The following EEF1AKMT4 variants were observed in gnomAD, a reference collection of about 807,000 sequenced individuals.
The protein encoded by EEF1AKMT4 is eukaryotic translation elongation factor 1 alpha lysine specific methyltransferase 4.
A neutral mutation model predicts 23.0 loss-of-function variants in EEF1AKMT4; 17 were observed. That is an observed-to-expected ratio of 0.74 (90% CI 0.51 to 1.11). The LOEUF is 1.11. Among genes scored for constraint, EEF1AKMT4 ranks in the 50% least tolerant of loss-of-function variants. EEF1AKMT4 has a pLI of 0.00. For missense variants in EEF1AKMT4, 318 were observed against 333.4 expected (o/e 0.95, Z 0.36); for synonymous variants, 140 against 141.4 (o/e 0.99, Z 0.07).
At chr3:184,255,418 C>A (rs970057410) in intron 1 of EEF1AKMT4, among the ~76,000 whole-genome samples, 1 of 152,224 alleles carries the variant, frequency 6.6e-6, no homozygotes, top group Admixed American at 6.5e-5. Flanking sequence ...CCTCTGGGTA[C>A]ATTGTCCAGG....
intron 1 of EEF1AKMT4, among the ~76,000 whole-genome samples, chr3:184,251,950 T>C (rs1200194847): frequency 6.6e-6 from 1 of 152,202 alleles, no homozygotes; most frequent in Non-Finnish European, 1.5e-5. Context: ...ATATTCAAGG[T>C]TCTCTGTGTG....
In EEF1AKMT4 at chr3:184,257,499, G is replaced by T. The variant is rs758583878; in HGVS notation, c.223G>T (p.Glu75Ter). The T allele has an allele frequency of 6.2e-7, 1 of 1,608,636 alleles. No individual in the cohort carries two copies. The highest frequency in any genetic ancestry group is 8.5e-7 in the Non-Finnish European group (1 of 1,175,610). ...TTGCGGGAACAGTGCCCTGAGCTAC[G>T]AGCTGTTCCTCGGAGGCTTCCCTAA... ...LGCGNSALSY[E>*]LFLGGFPNVT... The change falls in exon 2 of 3, where the codon GAG (glutamate) becomes TAG (stop). Residue 75 changes from glutamate to a stop codon, truncating the protein, a stop_gained. Transcript: ENST00000324557. LOFTEE classifies it high-confidence loss of function.
At chr3:184,250,908 A>G (rs551132542) in intron 1 of EEF1AKMT4, among the ~76,000 whole-genome samples, 1 of 151,802 alleles carries the variant, frequency 6.6e-6, no homozygotes, top group South Asian at 2.1e-4. Flanking sequence ...ACATGGAGAA[A>G]CCCCATCTCT....
chr3:184,252,455 A>G lies in EEF1AKMT4; in HGVS notation c.196+2565A>G, dbSNP rs193143094. The stretch of plus-strand genomic sequence containing the variant: ...CCAGAGAATGTGCTGGGCCCTTTCT[A>G]ACTTACTTAATCCTTATGACAACCC... On this transcript the variant is annotated intron_variant, in intron 1 of 2. Transcript: ENST00000324557. Among the ~76,000 whole-genome samples, 186 of 152,296 alleles carry G rather than the reference A, an allele frequency of 1.2e-3. 3 individuals are homozygous for G. Among genetic ancestry groups the G allele is most frequent in the Admixed American group, 0.012 (177 of 15,294 alleles).
chr3:184,250,547 C>G (rs1719490203), intron 1 of EEF1AKMT4, among the ~76,000 whole-genome samples: 1 of 152,214 alleles, frequency 6.6e-6, no homozygotes, highest in Non-Finnish European at 1.5e-5. Context: ...TTGAGGTTCT[C>G]TCCTAGTGTC....
intron 1 of EEF1AKMT4, among the ~76,000 whole-genome samples, chr3:184,256,605 A>G (rs1250093492): frequency 6.6e-6 from 1 of 152,146 alleles, no homozygotes; most frequent in Non-Finnish European, 1.5e-5. Flanking sequence ...TAGGAATATC[A>G]GACCCAAATC....
chr3:184,251,893 A>C (rs1719573533), intron 1 of EEF1AKMT4, among the ~76,000 whole-genome samples: 1 of 152,214 alleles, frequency 6.6e-6, no homozygotes, highest in African/African-American at 2.4e-5. Flanking sequence ...AAGTTGATTA[A>C]ATGAGCATGA....
At chr3:184,256,286 A>AAAAAAAAAAAAAAAAAAAAAAAG (rs1560171418) in intron 1 of EEF1AKMT4, among the ~76,000 whole-genome samples, 1 of 146,664 alleles carries the variant, frequency 6.8e-6, no homozygotes, top group South Asian at 2.1e-4. Context: ...AAAAAAAAAA[A>AAAAAAAAAAAAAAAAAAAAAAAG]AAAAGAAAAG....
In EEF1AKMT4 at chr3:184,258,476, T is replaced by C. The variant is rs1331261024; in HGVS notation, c.669T>C (p.Ala223=). 1 of 1,613,824 alleles carries C rather than the reference T, an allele frequency of 6.2e-7. No individual in the cohort carries two copies. Among genetic ancestry groups the C allele is most frequent in the Admixed American group, 1.7e-5 (1 of 59,976 alleles). The change falls in exon 3 of 3, where the codon GCT becomes GCC. Residue 223 remains alanine, a synonymous_variant. Coordinates refer to ENST00000324557, the MANE Select transcript of EEF1AKMT4 (RefSeq NM_032331.4). ...GGAAGCTCAGTGTGGCCCAGCTGGC[T>C]CTGGGGGCCCAAATCCTCTCACCCC... The part of the protein sequence containing the change: ...KGGKLSVAQL[A]LGAQILSPPR...
chr3:184,258,397 A>G lies in EEF1AKMT4; in HGVS notation c.590A>G (p.His197Arg). ...GCCTATTATGGCTGGTCCCTGAGGC[A>G]TGCTACCTATGGCAGCGGTTTCCAC... is the stretch of plus-strand genomic sequence containing the variant. ...AQAYYGWSLRHATYGSGFHFH... is the reference protein window; with the variant it reads ...AQAYYGWSLRRATYGSGFHFH... The change falls in exon 3 of 3, where the codon CAT becomes CGT. Residue 197 changes from histidine (H) to arginine (R), a missense_variant. His to Arg is a conservative substitution (Grantham distance 29). Transcript: ENST00000324557. The G allele has an allele frequency of 6.2e-7, 1 of 1,613,910 alleles. No homozygotes were observed. The highest frequency in any genetic ancestry group is 8.5e-7 in the Non-Finnish European group (1 of 1,179,904).
intron 1 of EEF1AKMT4, among the ~76,000 whole-genome samples, chr3:184,250,813 G>T (rs1175974868): frequency 6.6e-6 from 1 of 152,254 alleles, no homozygotes. Flanking sequence ...GCTGGGCGCG[G>T]TGGCTCACGC....
At position 184,249,903 on chromosome 3, in the gene EEF1AKMT4, G is replaced by A. The variant is rs1321189154; in HGVS notation, c.196+13G>A. 1.9e-6 allele frequency: 3 copies of A among 1,602,298 alleles called. No individual in the cohort carries two copies. The highest frequency in any genetic ancestry group is 1.7e-5 in the Admixed American group (1 of 59,776). On this transcript the variant is annotated intron_variant, in intron 1 of 2. Coordinates refer to ENST00000324557, the MANE Select transcript of EEF1AKMT4 (RefSeq NM_032331.4). The stretch of plus-strand genomic sequence containing the variant: ...ATCCTTGTGCTAGGTGGGTAATCCC[G>A]GCGCGGCCCCGCCAGGTAGAGCTGG...
chr3:184,257,863 T>A, intron 2 of EEF1AKMT4, 107 bp downstream of exon 2: 1 of 1,395,116 alleles, frequency 7.2e-7, no homozygotes, highest in Non-Finnish European at 9.7e-7. Flanking sequence ...TTGGAGCAAG[T>A]AGTGGGTCGC....
chr3:184,256,381 G>A (rs1560171490), intron 1 of EEF1AKMT4, among the ~76,000 whole-genome samples: 1 of 151,758 alleles, frequency 6.6e-6, no homozygotes, highest in Non-Finnish European at 1.5e-5. Flanking sequence ...ATTCTGTTTT[G>A]GAAAACAAAG....
intron 1 of EEF1AKMT4, among the ~76,000 whole-genome samples, chr3:184,252,946 CAAAAAAAAAA>C (rs563455729): frequency 6.6e-5 from 3 of 45,386 alleles, no homozygotes; most frequent in East Asian, 8.7e-4. Context: ...AACTCCATCT[CAAAAAAAAAA>C]AAAAAAAAAA....
chr3:184,256,263 A>T (rs1719793116), intron 1 of EEF1AKMT4, among the ~76,000 whole-genome samples: 1 of 146,376 alleles, frequency 6.8e-6, no homozygotes, highest in Non-Finnish European at 1.5e-5. Context: ...CAAGAGTGAA[A>T]CTCCATCTCA....
Position 184,249,778 on chromosome 3 carries a change from G to A in EEF1AKMT4, c.84G>A (p.Gln28=). ...ACCGCGAAGTCGAGTACTGGGATCA[G>A]CGCTACCAAGGCGCAGCCGATTCTG... is the stretch of plus-strand genomic sequence containing the variant. ...CGYREVEYWD[Q]RYQGAADSAP... Residue 28 remains glutamine, a synonymous_variant, in exon 1 of 3, where the codon CAG becomes CAA. Coordinates refer to ENST00000324557, the MANE Select transcript of EEF1AKMT4 (RefSeq NM_032331.4). 5.0e-6 allele frequency: 8 copies of A among 1,613,314 alleles called. No individual in the cohort carries two copies. The highest frequency in any genetic ancestry group is 1.1e-5 in the South Asian group (1 of 91,090).
Position 184,249,711 on chromosome 3 carries a change from C to A in EEF1AKMT4, c.17C>A (p.Ala6Glu). 6.2e-7 allele frequency: 1 copy of A among 1,608,792 alleles called. No individual in the cohort carries two copies. Among genetic ancestry groups the A allele is most frequent in the African/African-American group, 1.3e-5 (1 of 74,998 alleles). The part of the protein sequence containing the change: MASPG[A>E]GRAPPELPER... The stretch of plus-strand genomic sequence containing the variant: ...GTTGAGAGCATGGCCTCTCCAGGGG[C>A]AGGTAGGGCGCCTCCGGAGTTACCG... Residue 6 changes from alanine to glutamate, a missense_variant, in exon 1 of 3, where the codon GCA (alanine) becomes GAA (glutamate). Ala to Glu is a moderately radical substitution (Grantham distance 107). Transcript: ENST00000324557.
intron 1 of EEF1AKMT4, among the ~76,000 whole-genome samples, chr3:184,250,587 G>A (rs1719492067): frequency 6.6e-6 from 1 of 152,210 alleles, no homozygotes; most frequent in Admixed American, 6.5e-5. Context: ...AAGTTTGAAT[G>A]AGCAACAGAT....
Sources: allele counts gnomAD v4.1 joint callset (sites outside exome capture counted in the v4.1 genomes callset), GRCh38; gene constraint gnomAD v4.1.1; transcripts MANE v1.5; gene names NCBI Gene and HGNC (gene_info 2026-07-23, HGNC 2026-07-21).